SORCS1: variants seen among roughly 807,000 people sequenced by gnomAD.
SORCS1 encodes VPS10 domain-containing receptor SorCS1.
A neutral mutation model predicts 146.1 loss-of-function variants in SORCS1; 60 were observed. That is an observed-to-expected ratio of 0.41 (90% CI 0.33 to 0.51). The LOEUF (loss-of-function observed/expected upper bound fraction) is 0.51. SORCS1 is among the 20% of genes least tolerant of loss of function. The probability of loss-of-function intolerance (pLI) is 0.21; values close to 1 mark genes in which losing one functional copy is unlikely to be tolerated. For synonymous variants in SORCS1, 637 were observed against 584.0 expected (o/e 1.09, Z -1.31); for missense variants, 1,352 against 1,487.6 (o/e 0.91, Z 1.50).
At chr10:106,624,473 G>A (rs1330306731) in intron 19 of SORCS1, among the ~76,000 whole-genome samples, 1 of 146,112 alleles carries the variant, frequency 6.8e-6, no homozygotes, top group Non-Finnish European at 1.5e-5. Context: ...TGATACCCCT[G>A]CTTCATCCTC....
chr10:106,657,730 G>A lies in SORCS1; in HGVS notation c.2304-5177C>T, dbSNP rs11193002. Among the ~76,000 whole-genome samples, 402 of 150,580 alleles carry A rather than the reference G, an allele frequency of 2.7e-3. 17 individuals carry two copies. In the East Asian group the frequency reaches 0.07, roughly 26 times the overall value. On this transcript the variant is annotated intron_variant, in intron 17 of 25. Transcript: ENST00000263054. ...AATAAATAAACACTACTGACCTGAA[G>A]GTTAAAACTAGTGTTGTAGAACCAA...
chr10:106,972,754 G>A (rs907037219), intron 1 of SORCS1, among the ~76,000 whole-genome samples: 1 of 152,190 alleles, frequency 6.6e-6, no homozygotes, highest in African/African-American at 2.4e-5. Flanking sequence ...ATAAAGAGAA[G>A]GGGACAATCT....
At chr10:106,593,103 T>A (rs1845705066) in intron 24 of SORCS1, among the ~76,000 whole-genome samples, 2 of 143,954 alleles carry the variant, frequency 1.4e-5, no homozygotes, top group African/African-American at 2.6e-5. Context: ...CACTCCAGCT[T>A]GGGTGACTGG....
rs576064464 is a variant in SORCS1 at position 106,953,974 on chromosome 10, A to C, written c.626+2539T>G. On this transcript the variant is annotated intron_variant, in intron 2 of 25. Coordinates refer to ENST00000263054, the MANE Select transcript of SORCS1 (RefSeq NM_052918.5). ...AAGTAGACTGCTCCTTCAGAAGGGAAGCCTGATACTAATGGGATGTGATGC... is the reference window on the plus strand; with the variant it reads ...AAGTAGACTGCTCCTTCAGAAGGGACGCCTGATACTAATGGGATGTGATGC... 5.9e-5 allele frequency among the ~76,000 whole-genome samples: 9 copies of C among 152,330 alleles called. No individual in the cohort carries two copies. In the South Asian group the frequency reaches 1.9e-3, roughly 32 times the overall value.
At chr10:106,591,519 T>C (rs1418734594) in intron 24 of SORCS1, among the ~76,000 whole-genome samples, 1 of 152,212 alleles carries the variant, frequency 6.6e-6, no homozygotes, top group Admixed American at 6.5e-5. Flanking sequence ...GAATGGGATT[T>C]TGAATATATC....
At chr10:106,814,647 G>A (rs1158919678) in intron 3 of SORCS1, among the ~76,000 whole-genome samples, 1 of 152,018 alleles carries the variant, frequency 6.6e-6, no homozygotes, top group Non-Finnish European at 1.5e-5. Flanking sequence ...GGGCGCAGTC[G>A]CTCACACCTG....
chr10:106,738,785 AG>A (rs1857147116), intron 5 of SORCS1, among the ~76,000 whole-genome samples: 2 of 152,172 alleles, frequency 1.3e-5, no homozygotes, highest in African/African-American at 4.8e-5. Flanking sequence ...TGACTCCAGG[AG>A]TTTGAGACCA....
rs1007759160 is a variant in SORCS1 at position 107,147,303 on chromosome 10, G to C, written c.558+16666C>G. 3.3e-5 allele frequency among the ~76,000 whole-genome samples: 5 copies of C among 152,152 alleles called. 1 individual carries two copies. The highest frequency in any genetic ancestry group is 3.3e-4 in the Admixed American group (5 of 15,270). On this transcript the variant is annotated intron_variant, in intron 1 of 25. Transcript: ENST00000263054. ...AACATGGGCGCTGGTTCTCAGTTCA[G>C]CTCCTTAAATGAAGAGCAGGAAGCT...
chr10:107,112,610 A>C (rs1965769339), intron 1 of SORCS1, among the ~76,000 whole-genome samples: 1 of 152,166 alleles, frequency 6.6e-6, no homozygotes. Context: ...GGTTAAAAAA[A>C]ATCAACAATA....
intron 24 of SORCS1, among the ~76,000 whole-genome samples, chr10:106,592,805 CCTT>C (rs895049845): frequency 1.3e-5 from 2 of 149,910 alleles, no homozygotes; most frequent in Non-Finnish European, 3.0e-5. Context: ...GCTTCCTTCT[CCTT>C]CTCTTCCTAG....
intron 2 of SORCS1, among the ~76,000 whole-genome samples, chr10:106,920,383 AATAG>A (rs1418907412): frequency 2.6e-5 from 4 of 152,168 alleles, no homozygotes; most frequent in African/African-American, 9.7e-5. Context: ...ATTCTTTTGT[AATAG>A]ATAGTCCCAG....
intron 2 of SORCS1, among the ~76,000 whole-genome samples, chr10:106,918,588 G>A (rs1314148587): frequency 2.0e-5 from 3 of 152,026 alleles, no homozygotes; most frequent in Non-Finnish European, 2.9e-5. Context: ...CAGGGAAGAG[G>A]AAAAATAGAG....
intron 1 of SORCS1, among the ~76,000 whole-genome samples, chr10:106,970,578 G>C (rs187545491): frequency 9.3e-4 from 142 of 152,120 alleles, no homozygotes; most frequent in African/African-American, 3.1e-3. Context: ...CTGATCTCAG[G>C]TGATTTGCCC....
At chr10:107,099,597 A>G (rs1964779269) in intron 1 of SORCS1, among the ~76,000 whole-genome samples, 1 of 152,226 alleles carries the variant, frequency 6.6e-6, no homozygotes, top group South Asian at 2.1e-4. Context: ...AGTGGCTACA[A>G]TATTGAACAA....
chr10:106,957,158 TTTTTTTG>T (rs1277508442), intron 1 of SORCS1, among the ~76,000 whole-genome samples: 53 of 65,888 alleles, frequency 8.0e-4, no homozygotes, highest in East Asian at 3.4e-3. Flanking sequence ...GCATGTGGTT[TTTTTTTG>T]TTTTTTTTGT....
intron 6 of SORCS1, among the ~76,000 whole-genome samples, chr10:106,714,191 T>C (rs1404862007): frequency 6.8e-6 from 1 of 147,910 alleles, no homozygotes; most frequent in East Asian, 2.0e-4. Flanking sequence ...GGTTTATTTC[T>C]GAGAATTCTA....
intron 17 of SORCS1, among the ~76,000 whole-genome samples, chr10:106,654,504 C>T (rs1233601393): frequency 6.6e-6 from 1 of 152,196 alleles, no homozygotes; most frequent in Non-Finnish European, 1.5e-5. Context: ...GTATGATTTT[C>T]TTCCTGGTGT....
chr10:107,091,831 T>C (rs1360474459), intron 1 of SORCS1, among the ~76,000 whole-genome samples: 3 of 152,234 alleles, frequency 2.0e-5, no homozygotes, highest in Admixed American at 6.5e-5. Context: ...GATGGTAAAA[T>C]GCAAAAATCT....
chr10:107,179,412 C>T, the SORCS1 span, among the ~76,000 whole-genome samples: 1 of 152,054 alleles, frequency 6.6e-6, no homozygotes, highest in Non-Finnish European at 1.5e-5. Flanking sequence ...TCCTAGAAAC[C>T]GTTAATTTGT....
Sources: gnomAD v4.1 joint callset for allele counts (sites outside exome capture counted in the v4.1 genomes callset) on GRCh38, gnomAD v4.1.1 for gene constraint, MANE v1.5 for transcripts, NCBI Gene and HGNC (gene_info 2026-07-23, HGNC 2026-07-21) for gene names.